Variants in DMD observed in about 807,000 individuals in gnomAD.
DMD encodes dystrophin.
Under a neutral mutation model 330.1 loss-of-function variants are expected in DMD, and 63 were observed. The observed-to-expected ratio is 0.19, with a 90% CI of 0.16 to 0.24. The LOEUF is 0.24. DMD is among the 10% of genes least tolerant of loss of function. The pLI is 1.00. For synonymous variants in DMD, 1,223 were observed against 959.8 expected, an observed-to-expected ratio of 1.27 and a Z score of -5.07; for missense variants, 3,344 against 2,684.1, an observed-to-expected ratio of 1.25 and a Z score of -5.43.
rs888698223 is a variant in DMD, at chrX:32,518,698, C to A, written c.2169-567G>T. On this transcript the variant is annotated intron_variant, in intron 17 of 78. Transcript: ENST00000357033. ...AACAATTATATAAGAAGTACAATGA[C>A]CTTGAGGTGATCATGTTTTAAGGAA... Among the ~76,000 whole-genome samples, 3 of 110,697 alleles carry A rather than the reference C, an allele frequency of 2.7e-5. No homozygotes were observed. In the Admixed American group the frequency reaches 2.9e-4, roughly 11 times the overall value.
intron 17 of DMD, among the ~76,000 whole-genome samples, chrX:32,528,905 CTTTTTTTTT>C (rs35476358): frequency 1.7e-5 from 1 of 59,857 alleles, no homozygotes; most frequent in Non-Finnish European, 3.0e-5. Context: ...CAATGTATTT[CTTTTTTTTT>C]TTTTTTTTTT....
chrX:31,782,976 A>T (rs2091096868), intron 50 of DMD, among the ~76,000 whole-genome samples: 1 of 111,800 alleles, frequency 8.9e-6, no homozygotes, highest in Admixed American at 9.5e-5. Flanking sequence ...AGAGTATGTA[A>T]TAATAAGAGC....
At position 32,863,110 on chromosome X, in the gene DMD, G is replaced by A. The variant is rs139758431; in HGVS notation, c.94-13290C>T. 5.5e-3 allele frequency among the ~76,000 whole-genome samples: 610 copies of A among 111,255 alleles called. 4 individuals are homozygous for A. Among genetic ancestry groups the A allele is most frequent in the African/African-American group, 0.019 (588 of 30,532 alleles). ...GAGATAGCCAGTGATGGAAATGAAG[G>A]CTAATTACAATCTATCCCAATGGTT... On this transcript the variant is annotated intron_variant, in intron 2 of 78. Coordinates refer to ENST00000357033, the MANE Select transcript of DMD (RefSeq NM_004006.3).
chrX:33,163,305 G>A (rs887774698), intron 1 of DMD, among the ~76,000 whole-genome samples: 4 of 109,772 alleles, frequency 3.6e-5, no homozygotes, highest in Non-Finnish European at 5.7e-5. Flanking sequence ...GCGAGGCCGA[G>A]GCAGGTGGAT....
At chrX:32,101,914 T>G (rs993836302) in intron 44 of DMD, among the ~76,000 whole-genome samples, 1 of 111,237 alleles carries the variant, frequency 9.0e-6, no homozygotes, top group African/African-American at 3.3e-5. Context: ...AATTAATAGG[T>G]TAATGGGTTA....
intron 29 of DMD, among the ~76,000 whole-genome samples, chrX:32,435,744 G>T (rs1179443843): frequency 1.3e-4 from 14 of 110,926 alleles, no homozygotes; most frequent in Non-Finnish European, 1.9e-4. Flanking sequence ...CTCTGGGCTG[G>T]CCTATGGAAT....
chrX:32,836,657 A>G (rs2079660142), intron 4 of DMD, among the ~76,000 whole-genome samples: 1 of 111,580 alleles, frequency 9.0e-6, no homozygotes, highest in Non-Finnish European at 1.9e-5. Context: ...TCAAACTCTC[A>G]GTACAGCCTG....
intron 4 of DMD, among the ~76,000 whole-genome samples, chrX:32,827,229 G>C (rs1011538926): frequency 1.8e-5 from 2 of 110,549 alleles, no homozygotes; most frequent in African/African-American, 6.6e-5. Context: ...ATTGTGAAAA[G>C]ATAAGCAAAA....
intron 1 of DMD, among the ~76,000 whole-genome samples, chrX:33,031,712 A>T (rs2094118038): frequency 9.0e-6 from 1 of 111,012 alleles, no homozygotes; most frequent in Non-Finnish European, 1.9e-5. Flanking sequence ...CTGAGGTTGC[A>T]GTGAGCCAAG....
intron 59 of DMD, among the ~76,000 whole-genome samples, chrX:31,458,804 T>C (rs1385482905): frequency 9.1e-6 from 1 of 110,466 alleles, no homozygotes; most frequent in Non-Finnish European, 1.9e-5. Context: ...AAGACCCCTC[T>C]TGCATACAAC....
intron 44 of DMD, among the ~76,000 whole-genome samples, chrX:32,164,660 T>C (rs758709725): frequency 3.6e-5 from 4 of 111,542 alleles, no homozygotes; most frequent in African/African-American, 1.3e-4. Context: ...AATTTGCATA[T>C]TTAACAAGGA....
chrX:33,023,342 T>A (rs923978024), intron 1 of DMD, among the ~76,000 whole-genome samples: 3 of 111,779 alleles, frequency 2.7e-5, no homozygotes, highest in African/African-American at 9.7e-5. Flanking sequence ...TCGAAAAAAT[T>A]ATCAGTTCAA....
rs370190893 is a variant in DMD, at chrX:32,180,033, A to G, written c.6438+36883T>C. Among the ~76,000 whole-genome samples, 15 of 112,021 alleles carry G rather than the reference A, an allele frequency of 1.3e-4. No individual in the cohort carries two copies. In the East Asian group the frequency reaches 4.0e-3, roughly 30 times the overall value. ...CTAATACATAGGATTATTGAGAAAT[A>G]TACATCAAATATAAAATGTGATTTT... On this transcript the variant is annotated intron_variant, in intron 44 of 78. Transcript: ENST00000357033.
At chrX:31,352,785 T>C (rs926851218) in intron 60 of DMD, among the ~76,000 whole-genome samples, 1 of 112,209 alleles carries the variant, frequency 8.9e-6, no homozygotes, top group Non-Finnish European at 1.9e-5. Flanking sequence ...AAGAAACAAA[T>C]TTATGAATGA....
At chrX:32,121,500 G>T (rs769925346) in intron 44 of DMD, among the ~76,000 whole-genome samples, 6 of 105,738 alleles carry the variant, frequency 5.7e-5, no homozygotes, top group Admixed American at 1.0e-4. Context: ...GCTGCCTGTG[G>T]ACTGCTGACA....
chrX:31,344,044 G>C (rs867955180), intron 61 of DMD, among the ~76,000 whole-genome samples: 30 of 103,275 alleles, frequency 2.9e-4, no homozygotes, highest in Non-Finnish European at 3.2e-4. Flanking sequence ...GTGCGGGGGG[G>C]GGTGGATTAT....
chrX:32,382,133 A>G (rs911655419), intron 33 of DMD, among the ~76,000 whole-genome samples: 1 of 111,685 alleles, frequency 9.0e-6, no homozygotes, highest in Non-Finnish European at 1.9e-5. Flanking sequence ...GCCTGAATGT[A>G]TAGAGCAAAA....
intron 1 of DMD, among the ~76,000 whole-genome samples, chrX:33,038,107 A>G (rs1241075710): frequency 8.9e-6 from 1 of 112,530 alleles, no homozygotes; most frequent in African/African-American, 3.2e-5. Context: ...TATTGTTAAA[A>G]ATAATGCATC....
At chrX:31,989,371 A>T (rs915044543) in intron 44 of DMD, among the ~76,000 whole-genome samples, 1 of 112,424 alleles carries the variant, frequency 8.9e-6, no homozygotes. Context: ...ATCGGTTCCA[A>T]ATTCTAGCCT....
Sources: allele counts gnomAD v4.1 joint callset (sites outside exome capture counted in the v4.1 genomes callset), GRCh38; gene constraint gnomAD v4.1.1; transcripts MANE v1.5; gene names NCBI Gene and HGNC (gene_info 2026-07-23, HGNC 2026-07-21).